PADI1: variants seen among roughly 807,000 people sequenced by gnomAD.
The protein encoded by PADI1 is protein-arginine deiminase type-1.
In PADI1, 65 loss-of-function variants were observed where a neutral mutation model predicts 74.8. The observed-to-expected ratio is 0.87, with a 90% confidence interval of 0.71 to 1.07. The LOEUF is 1.07. Ranked by LOEUF, PADI1 falls within the 50% of genes least tolerant of loss-of-function variation. The pLI is 0.00. For synonymous variants in PADI1, 371 were observed against 336.2 expected (o/e 1.10, Z -1.13); for missense variants, 943 against 854.0 (o/e 1.10, Z -1.30).
chr1:17,231,918 C>A (rs1398399256), intron 10 of PADI1, among the ~76,000 whole-genome samples: 1 of 149,118 alleles, frequency 6.7e-6, no homozygotes, highest in East Asian at 1.9e-4. Context: ...TCAGCCTTTT[C>A]TCTTCCTAAA....
At chr1:17,240,398 C>A (rs1011823026) in intron 14 of PADI1, 1 of 420,512 alleles carries the variant, frequency 2.4e-6, no homozygotes, top group Admixed American at 3.7e-5. Context: ...CATTTGCATC[C>A]AGAAACTGCC....
At chr1:17,226,221 T>A in intron 6 of PADI1, 63 bp downstream of exon 6, 2 of 1,547,026 alleles carry the variant, frequency 1.3e-6, no homozygotes, top group Non-Finnish European at 1.8e-6. Flanking sequence ...TCCTCCCCCA[T>A]CTCTCTCTCT....
At chr1:17,215,609 C>G (rs923285336) in intron 1 of PADI1, among the ~76,000 whole-genome samples, 1 of 152,096 alleles carries the variant, frequency 6.6e-6, no homozygotes, top group Admixed American at 6.5e-5. Flanking sequence ...GTGCCCTGGG[C>G]TTGTGGCTAC....
chr1:17,218,245 A>G (rs2072032742), intron 1 of PADI1, among the ~76,000 whole-genome samples: 1 of 152,228 alleles, frequency 6.6e-6, no homozygotes. Flanking sequence ...ACATTTTACA[A>G]TAAAGAATTA....
chr1:17,215,310 A>T (rs2071945719), intron 1 of PADI1, among the ~76,000 whole-genome samples: 1 of 152,132 alleles, frequency 6.6e-6, no homozygotes, highest in Non-Finnish European at 1.5e-5. Flanking sequence ...GACTACAGGA[A>T]GCTAGGCTGG....
intron 1 of PADI1, among the ~76,000 whole-genome samples, chr1:17,208,702 T>A (rs1290416599): frequency 6.6e-6 from 1 of 152,162 alleles, no homozygotes; most frequent in African/African-American, 2.4e-5. Flanking sequence ...CCACCCTGAT[T>A]CCCTGGATCT....
chr1:17,242,509 C>G (rs3003418), intron 15 of PADI1, among the ~76,000 whole-genome samples: 61,835 of 151,974 alleles, frequency 0.41, 12,766 homozygotes, highest in South Asian at 0.53. Context: ...CTGAAGGTGG[C>G]GGGGAGGGCC....
chr1:17,241,355 T>TGG (rs2072772495), intron 15 of PADI1, among the ~76,000 whole-genome samples: 1 of 152,234 alleles, frequency 6.6e-6, no homozygotes, highest in Non-Finnish European at 1.5e-5. Flanking sequence ...GATGTTGGGG[T>TGG]GTTGGCAGCT....
chr1:17,214,806 G>T (rs1250522102), intron 1 of PADI1, among the ~76,000 whole-genome samples: 1 of 152,226 alleles, frequency 6.6e-6, no homozygotes, highest in Non-Finnish European at 1.5e-5. Flanking sequence ...ATAAGGAAAG[G>T]CAGTATAAGC....
In PADI1 at chr1:17,245,518, G is replaced by C. The variant is rs1273878589; in HGVS notation, c.*1275G>C. 1.3e-5 allele frequency: 2 copies of C among 152,346 alleles called. No individual in the cohort carries two copies. Among genetic ancestry groups the C allele is most frequent in the Non-Finnish European group, 2.9e-5 (2 of 68,086 alleles). The allele number at this position is 152,346 out of a possible 1,614,324, so 9.4% of individuals were successfully genotyped here. A position where few individuals can be genotyped will look rare whatever the true frequency, so the allele number is the denominator to read the frequency against. On this transcript the variant is annotated 3_prime_UTR_variant, in exon 16 of 16. Coordinates refer to ENST00000375471, the MANE Select transcript of PADI1 (RefSeq NM_013358.3). The surrounding 1 kb of genome is among the most constrained non-coding windows in gnomAD (Gnocchi z 4.1). The stretch of plus-strand genomic sequence containing the variant: ...CTGCCAGTGAGGCCATTGTAGGGCA[G>C]TTGGCCCTAGGGCTTCGGTCCATCT...
At position 17,244,900 on chromosome 1, in the gene PADI1, G is replaced by C. The variant is rs765885861; in HGVS notation, c.*657G>C. 1 of 177,358 alleles carries C rather than the reference G, an allele frequency of 5.6e-6. No homozygotes were observed. Among genetic ancestry groups the C allele is most frequent in the Non-Finnish European group, 1.2e-5 (1 of 83,356 alleles). 11.0% of individuals were successfully genotyped at this position (177,358 alleles called of 1,614,324 possible). ...AATAGCTGACTCCGACCTCAGAAGA[G>C]TGATTGCTACCTTTCTGGAAAGACT... On this transcript the variant is annotated 3_prime_UTR_variant, in exon 16 of 16. Transcript: ENST00000375471.
intron 10 of PADI1, among the ~76,000 whole-genome samples, chr1:17,231,100 T>G (rs1327809120): frequency 6.6e-6 from 1 of 152,176 alleles, no homozygotes; most frequent in African/African-American, 2.4e-5. Flanking sequence ...GAACACCTAC[T>G]ACGTGCCAGG....
chr1:17,226,215 C>G, intron 6 of PADI1, 57 bp downstream of exon 6: 1 of 1,569,138 alleles, frequency 6.4e-7, no homozygotes, highest in Non-Finnish European at 8.7e-7. Context: ...ATCCTCTCCT[C>G]CCCCATCTCT....
intron 1 of PADI1, among the ~76,000 whole-genome samples, chr1:17,207,856 A>G (rs1408591367): frequency 6.6e-6 from 1 of 152,220 alleles, no homozygotes; most frequent in Non-Finnish European, 1.5e-5. Flanking sequence ...ATAGCTACTG[A>G]GAGCCTCCAA....
rs1462479822 is a variant in PADI1, at chr1:17,217,404, C to T, written c.93-4886C>T. 2.0e-5 allele frequency among the ~76,000 whole-genome samples: 3 copies of T among 152,044 alleles called. No individual in the cohort carries two copies. The East Asian group carries it at 5.8e-4, about 29-fold the overall frequency. Reference sequence around the variant, plus strand: ...ATTTCCTTTTCCCCAGTGACAGTCACCCTGGTAAAAAGTTGTGTGTCCTCT... The same window carrying T: ...ATTTCCTTTTCCCCAGTGACAGTCATCCTGGTAAAAAGTTGTGTGTCCTCT... On this transcript the variant is annotated intron_variant, in intron 1 of 15. Coordinates refer to ENST00000375471, the MANE Select transcript of PADI1 (RefSeq NM_013358.3).
chr1:17,241,222 C>A (rs1176193214), intron 15 of PADI1, among the ~76,000 whole-genome samples: 1 of 152,178 alleles, frequency 6.6e-6, no homozygotes, highest in Middle Eastern at 3.2e-3. Context: ...GCGGTGGCCT[C>A]GCTGACTCTC....
intron 11 of PADI1, among the ~76,000 whole-genome samples, chr1:17,236,909 T>C (rs1038917765): frequency 6.6e-6 from 1 of 152,110 alleles, no homozygotes; most frequent in Non-Finnish European, 1.5e-5. Flanking sequence ...GCAAAGGCCC[T>C]GAGGCAAGAG....
At chr1:17,224,228 A>G (rs1472015090) in intron 3 of PADI1, 139 bp from the exon 4 acceptor site, 1 of 706,616 alleles carries the variant, frequency 1.4e-6, no homozygotes. Context: ...AGGTCTCCCA[A>G]GTGTGGGGTC....
Position 17,205,165 on chromosome 1 carries a change from A to C in PADI1, c.-53A>C. 1 of 1,442,178 alleles carries C rather than the reference A, an allele frequency of 6.9e-7. No individual in the cohort carries two copies. Among genetic ancestry groups the C allele is most frequent in the Non-Finnish European group, 9.7e-7 (1 of 1,026,320 alleles). 89.3% of individuals were successfully genotyped at this position (1,442,178 alleles called of 1,614,324 possible). On this transcript the variant is annotated 5_prime_UTR_variant, in exon 1 of 16. Coordinates refer to ENST00000375471, the MANE Select transcript of PADI1 (RefSeq NM_013358.3). ...TCTTCCTGGCAAAGAAGTGCCCAGG[A>C]CGGGAGCTGGGGAGCCAGGGCTGAT...
Sources: gnomAD v4.1 joint callset for allele counts (sites outside exome capture counted in the v4.1 genomes callset) on GRCh38, gnomAD v4.1.1 for gene constraint, Gnocchi (gnomAD v3.1) non-coding constraint, MANE v1.5 for transcripts, NCBI Gene and HGNC (gene_info 2026-07-23, HGNC 2026-07-21) for gene names.